TENM2: variants seen among roughly 807,000 people sequenced by gnomAD.
The protein encoded by TENM2 is teneurin-2.
Under a neutral mutation model 245.2 loss-of-function variants are expected in TENM2, and 52 were observed. That is an observed-to-expected ratio of 0.21 (90% CI 0.17 to 0.27). TENM2 has a LOEUF of 0.27. Ranked by LOEUF, TENM2 falls within the 10% of genes least tolerant of loss-of-function variation. TENM2 has a pLI of 1.00. For synonymous variants in TENM2, 1,363 were observed against 1,438.9 expected, an observed-to-expected ratio of 0.95 and a Z score of 1.19; for missense variants, 3,046 against 3,666.8, an observed-to-expected ratio of 0.83 and a Z score of 4.37.
At chr5:167,408,351 G>A (rs1217671712) in intron 2 of TENM2, among the ~76,000 whole-genome samples, 5 of 152,056 alleles carry the variant, frequency 3.3e-5, no homozygotes, top group Non-Finnish European at 7.4e-5. Context: ...TTGGACCTGG[G>A]TGTTGAATGA....
chr5:168,017,056 C>T (rs1785716827), intron 5 of TENM2, among the ~76,000 whole-genome samples: 1 of 152,212 alleles, frequency 6.6e-6, no homozygotes, highest in African/African-American at 2.4e-5. Flanking sequence ...TTATGATCTG[C>T]ACTGACCAGT....
chr5:167,690,567 G>A (rs1310958643), intron 2 of TENM2, among the ~76,000 whole-genome samples: 1 of 152,148 alleles, frequency 6.6e-6, no homozygotes, highest in Non-Finnish European at 1.5e-5. Context: ...CTAAATACTT[G>A]TGTGGCTGTG....
intron 1 of TENM2, among the ~76,000 whole-genome samples, chr5:167,369,087 C>T (rs1454191524): frequency 6.6e-6 from 1 of 151,956 alleles, no homozygotes; most frequent in Non-Finnish European, 1.5e-5. Flanking sequence ...CTTGTTTTGT[C>T]TGCTGCCGTT....
chr5:167,183,972 T>G, the TENM2 span, among the ~76,000 whole-genome samples: 1 of 152,326 alleles, frequency 6.6e-6, no homozygotes, highest in South Asian at 2.1e-4. Context: ...TTTCTAACAT[T>G]TATTTTTTGC....
chr5:167,407,023 C>T (rs974594931), intron 2 of TENM2, among the ~76,000 whole-genome samples: 3 of 152,046 alleles, frequency 2.0e-5, no homozygotes, highest in African/African-American at 7.2e-5. Context: ...CACACAGCAG[C>T]AATTGAGATG....
intron 12 of TENM2, among the ~76,000 whole-genome samples, chr5:168,156,696 G>A (rs922972322): frequency 6.6e-6 from 1 of 152,132 alleles, no homozygotes; most frequent in African/African-American, 2.4e-5. Flanking sequence ...CTGCCTAGCT[G>A]GTAACTGTGT....
At position 167,947,580 on chromosome 5, in the gene TENM2, T is replaced by TC. The variant is rs989125311; in HGVS notation, c.713-5005dup. ...ATTCTTGAAAATCCTCACCCCCAAT[T>TC]CCCTCTGGCCAATTCAAGGTCAAAT... On this transcript the variant is annotated intron_variant, in intron 3 of 28. Coordinates refer to ENST00000518659, the Ensembl canonical transcript of TENM2. 3.3e-5 allele frequency among the ~76,000 whole-genome samples: 5 copies of TC among 152,066 alleles called. No individual in the cohort carries two copies. The East Asian group carries it at 7.7e-4, about 23-fold the overall frequency.
intron 2 of TENM2, among the ~76,000 whole-genome samples, chr5:167,709,508 G>C (rs777630860): frequency 2.0e-5 from 3 of 152,176 alleles, no homozygotes; most frequent in Non-Finnish European, 2.9e-5. Flanking sequence ...AGTAAAACTA[G>C]AGTGAAAGTC....
the TENM2 span, among the ~76,000 whole-genome samples, chr5:167,027,032 TA>T: frequency 1.3e-5 from 2 of 152,066 alleles, no homozygotes. Context: ...ATCGTTGGAG[TA>T]AGACCCCAGA....
the TENM2 span, among the ~76,000 whole-genome samples, chr5:167,101,832 CATTTATATATATAT>C: frequency 0.011 from 619 of 53,974 alleles, 15 homozygotes; most frequent in African/African-American, 0.034. Context: ...GGGCTCTTGA[CATTTATATATATAT>C]ATTTATATAT....
the TENM2 span, among the ~76,000 whole-genome samples, chr5:167,112,644 A>G: frequency 6.6e-6 from 1 of 152,226 alleles, no homozygotes; most frequent in African/African-American, 2.4e-5. Flanking sequence ...GCCTATGAAA[A>G]GACTGTTTCC....
chr5:166,997,151 A>G, the TENM2 span, among the ~76,000 whole-genome samples: 1 of 152,196 alleles, frequency 6.6e-6, no homozygotes, highest in African/African-American at 2.4e-5. Flanking sequence ...ATGAAAGAAC[A>G]AAAACATCTG....
In TENM2 at chr5:167,671,712, G is replaced by T. The variant is rs186632953; in HGVS notation, c.503-204274G>T. Among the ~76,000 whole-genome samples, 346 of 150,440 alleles carry T rather than the reference G, an allele frequency of 2.3e-3. 1 individual carries two copies. Among genetic ancestry groups the T allele is most frequent in the Non-Finnish European group, 4.0e-3 (274 of 67,686 alleles). On this transcript the variant is annotated intron_variant, in intron 2 of 28. Transcript: ENST00000518659. ...CACCTATAATATAGGTATATTCTAC[G>T]TAAATAAAATCTTTAGCTACAGATA...
intron 5 of TENM2, among the ~76,000 whole-genome samples, chr5:168,025,159 A>T (rs939805899): frequency 6.6e-6 from 1 of 152,254 alleles, no homozygotes; most frequent in Non-Finnish European, 1.5e-5. Flanking sequence ...ATGGAAAACT[A>T]CATGGTCTTC....
At chr5:167,448,505 GTATC>G (rs1554155821) in intron 2 of TENM2, among the ~76,000 whole-genome samples, 1 of 149,138 alleles carries the variant, frequency 6.7e-6, no homozygotes, top group Non-Finnish European at 1.5e-5. Context: ...TGAAAAAAAA[GTATC>G]TTGCTATCTC....
intron 2 of TENM2, among the ~76,000 whole-genome samples, chr5:167,600,323 CT>C (rs532566551): frequency 2.5e-4 from 38 of 151,662 alleles, no homozygotes; most frequent in African/African-American, 8.7e-4. Flanking sequence ...AAATTAGAAC[CT>C]TTTTTTGTTA....
intron 9 of TENM2, among the ~76,000 whole-genome samples, chr5:168,106,343 AATC>A (rs5873089): frequency 0.55 from 83,619 of 151,380 alleles, 23,518 homozygotes; most frequent in African/African-American, 0.65. Context: ...ACTAAAAACA[AATC>A]ATCATCATCA....
At chr5:167,650,634 CAGATGATACTGG>C (rs1404155895) in intron 2 of TENM2, among the ~76,000 whole-genome samples, 1 of 152,196 alleles carries the variant, frequency 6.6e-6, no homozygotes, top group African/African-American at 2.4e-5. Context: ...AAAATACAAT[CAGATGATACTGG>C]GAGACAAAAT....
chr5:167,071,171 T>A, the TENM2 span, among the ~76,000 whole-genome samples: 4 of 152,180 alleles, frequency 2.6e-5, no homozygotes, highest in African/African-American at 4.8e-5. Context: ...GGTAATTTTT[T>A]AAAAAATTCA....
Sources: gnomAD v4.1 joint callset for allele counts (sites outside exome capture counted in the v4.1 genomes callset) on GRCh38, gnomAD v4.1.1 for gene constraint, MANE v1.5 for transcripts, NCBI Gene and HGNC (gene_info 2026-07-23, HGNC 2026-07-21) for gene names.